The following RANBP2 variants were observed in gnomAD, a reference collection of about 807,000 sequenced individuals.
RANBP2 encodes the protein E3 SUMO-protein ligase RanBP2.
A neutral mutation model predicts 303.6 loss-of-function variants in RANBP2; 57 were observed. The ratio of observed to expected loss-of-function variants is 0.19; its 90% CI spans 0.15 to 0.23. The LOEUF (loss-of-function observed/expected upper bound fraction) is 0.23. RANBP2 is among the 10% of genes least tolerant of loss of function. RANBP2 has a pLI of 1.00. For synonymous variants in RANBP2, 1,167 were observed against 1,301.5 expected, an observed-to-expected ratio of 0.90 and a Z score of 2.23; for missense variants, 3,138 against 3,780.8, an observed-to-expected ratio of 0.83 and a Z score of 4.46.
chr2:109,060,713 G>A, the RANBP2 span, among the ~76,000 whole-genome samples: 2 of 152,194 alleles, frequency 1.3e-5, no homozygotes, highest in South Asian at 2.1e-4. Flanking sequence ...CCAGCTCCAG[G>A]ATGATCCATT....
chr2:109,589,359 C>A, the RANBP2 span, among the ~76,000 whole-genome samples: 1 of 151,848 alleles, frequency 6.6e-6, no homozygotes, highest in African/African-American at 2.4e-5. Flanking sequence ...ATGACAAAAC[C>A]CCATCTCTAC....
At chr2:109,637,639 C>T in the RANBP2 span, among the ~76,000 whole-genome samples, 1 of 152,222 alleles carries the variant, frequency 6.6e-6, no homozygotes, top group African/African-American at 2.4e-5. Context: ...GCACATCCTG[C>T]ACAGCCCTAG....
At chr2:109,227,203 G>A in the RANBP2 span, among the ~76,000 whole-genome samples, 1 of 152,304 alleles carries the variant, frequency 6.6e-6, no homozygotes, top group East Asian at 1.9e-4. Flanking sequence ...TCCTGAAATT[G>A]AGAGGATCCC....
the RANBP2 span, among the ~76,000 whole-genome samples, chr2:108,978,877 C>T: frequency 6.6e-6 from 1 of 152,144 alleles, no homozygotes. Context: ...GCAAATAATC[C>T]ACATACAGAG....
At chr2:109,278,734 A>G in the RANBP2 span, among the ~76,000 whole-genome samples, 2 of 152,208 alleles carry the variant, frequency 1.3e-5, no homozygotes, top group African/African-American at 4.8e-5. Context: ...GTGAAAGGCA[A>G]GTCCCTAGGG....
In RANBP2 at chr2:108,784,111, G is replaced by A. The variant is rs1030396377; in HGVS notation, c.*210G>A. On this transcript the variant is annotated 3_prime_UTR_variant, in exon 29 of 29. Transcript: ENST00000283195. ...AAAGTTTAAACACTGGTGTATTTCA[G>A]GTGTACTTGTGTTTATGTACTCCTG... 12 of 545,638 alleles carry A rather than the reference G, an allele frequency of 2.2e-5. No individual in the cohort carries two copies. The Admixed American group carries it at 4.0e-4, about 18-fold the overall frequency. The allele number at this position is 545,638 out of a possible 1,614,324, so 33.8% of individuals were successfully genotyped here.
In RANBP2 at chr2:108,740,665, ATC is replaced by A. The variant is rs1696011396; in HGVS notation, c.962_963del (p.Leu321HisfsTer11). 6.3e-7 allele frequency: 1 copy of A among 1,597,398 alleles called. No individual in the cohort carries two copies. Among genetic ancestry groups the A allele is most frequent in the Non-Finnish European group, 8.5e-7 (1 of 1,179,772 alleles). ...CTTTCTGAGCTGGCTGCATTGTGCT[ATC>A]TCATAGCATTTCAGGTAAGTCTTCC... is the stretch of plus-strand genomic sequence containing the variant. On this transcript the variant is annotated frameshift_variant, in exon 7 of 29. Coordinates refer to ENST00000283195, the MANE Select transcript of RANBP2 (RefSeq NM_006267.5). LOFTEE classifies it high-confidence loss of function.
the RANBP2 span, chr2:109,585,757 T>C: frequency 6.8e-6 from 11 of 1,613,836 alleles, no homozygotes; most frequent in Non-Finnish European, 9.3e-6. Context: ...CCTTGCTGAA[T>C]GGATCTGTTC....
At chr2:108,960,037 T>C in the RANBP2 span, among the ~76,000 whole-genome samples, 2 of 152,232 alleles carry the variant, frequency 1.3e-5, no homozygotes, top group South Asian at 4.1e-4. Flanking sequence ...CCACGGTGGC[T>C]CTGAGAAAGC....
chr2:109,240,400 A>G, the RANBP2 span, among the ~76,000 whole-genome samples: 1 of 152,114 alleles, frequency 6.6e-6, no homozygotes, highest in Admixed American at 6.5e-5. Context: ...AGGCAGGAAA[A>G]TTGCTTAAAC....
chr2:109,674,249 A>C, the RANBP2 span, among the ~76,000 whole-genome samples: 4 of 151,472 alleles, frequency 2.6e-5, no homozygotes, highest in South Asian at 2.1e-4. Context: ...ACCCCCCCCC[A>C]AAATGAAGTA....
the RANBP2 span, among the ~76,000 whole-genome samples, chr2:108,984,938 T>C: frequency 6.6e-6 from 1 of 152,162 alleles, no homozygotes; most frequent in Non-Finnish European, 1.5e-5. Flanking sequence ...TGTGCAAACA[T>C]GGGATTGGAA....
chr2:109,623,331 GCAC>G, the RANBP2 span, among the ~76,000 whole-genome samples: 1 of 152,280 alleles, frequency 6.6e-6, no homozygotes, highest in South Asian at 2.1e-4. Flanking sequence ...CCTCTCTGGT[GCAC>G]CACCAGTTTT....
At chr2:109,113,938 T>C in the RANBP2 span, among the ~76,000 whole-genome samples, 1 of 152,270 alleles carries the variant, frequency 6.6e-6, no homozygotes, top group East Asian at 1.9e-4. Flanking sequence ...GGATTACATT[T>C]ATTGATTTGC....
chr2:109,240,679 A>G, the RANBP2 span, among the ~76,000 whole-genome samples: 1 of 152,112 alleles, frequency 6.6e-6, no homozygotes, highest in South Asian at 2.1e-4. Context: ...CAGAGAGGCC[A>G]TTAGGTGAGA....
chr2:109,046,712 A>T, the RANBP2 span, among the ~76,000 whole-genome samples: 1 of 152,044 alleles, frequency 6.6e-6, no homozygotes, highest in Non-Finnish European at 1.5e-5. Context: ...AACAAAACTA[A>T]CTATAAGGCT....
At chr2:109,347,312 C>T in the RANBP2 span, among the ~76,000 whole-genome samples, 1 of 152,146 alleles carries the variant, frequency 6.6e-6, no homozygotes, top group Non-Finnish European at 1.5e-5. Flanking sequence ...TAGGTGTGGG[C>T]CTTAGGAAAG....
chr2:109,258,941 G>T, the RANBP2 span, among the ~76,000 whole-genome samples: 1 of 152,182 alleles, frequency 6.6e-6, no homozygotes, highest in Admixed American at 6.5e-5. Context: ...CTGTCCTGCT[G>T]CTTCCCCAGA....
the RANBP2 span, among the ~76,000 whole-genome samples, chr2:108,866,047 G>A: frequency 6.6e-6 from 1 of 152,160 alleles, no homozygotes; most frequent in Non-Finnish European, 1.5e-5. Context: ...GACTATGGTA[G>A]TAGGGTATCT....
Sources: allele counts gnomAD v4.1 joint callset (sites outside exome capture counted in the v4.1 genomes callset), GRCh38; gene constraint gnomAD v4.1.1; transcripts MANE v1.5; gene names NCBI Gene and HGNC (gene_info 2026-07-23, HGNC 2026-07-21).